Variants in GRID2 observed in about 807,000 individuals in gnomAD.
The protein encoded by GRID2 is glutamate receptor ionotropic, delta-2.
Under a neutral mutation model 114.8 loss-of-function variants are expected in GRID2, and 33 were observed. The observed-to-expected ratio is 0.29, with a 90% CI of 0.22 to 0.38. The LOEUF is 0.38. GRID2 is among the 10% of genes least tolerant of loss of function. The probability of loss-of-function intolerance (pLI) is 1.00; values close to 1 mark genes in which losing one functional copy is unlikely to be tolerated. For missense variants in GRID2, 1,184 were observed against 1,257.7 expected, an observed-to-expected ratio of 0.94 and a Z score of 0.89; for synonymous variants, 505 against 449.9, an observed-to-expected ratio of 1.12 and a Z score of -1.55.
chr4:93,408,700 TG>T (rs1420782884), intron 9 of GRID2, among the ~76,000 whole-genome samples: 1 of 152,156 alleles, frequency 6.6e-6, no homozygotes, highest in Non-Finnish European at 1.5e-5. Context: ...ATGCTTATTG[TG>T]ACACACAGAA....
chr4:93,377,432 A>G (rs1445341557), intron 8 of GRID2, among the ~76,000 whole-genome samples: 1 of 151,924 alleles, frequency 6.6e-6, no homozygotes, highest in African/African-American at 2.4e-5. Flanking sequence ...GAGCTAGCTG[A>G]GGTTAGGAGA....
At chr4:93,300,787 G>T (rs1250192310) in intron 8 of GRID2, among the ~76,000 whole-genome samples, 1 of 152,114 alleles carries the variant, frequency 6.6e-6, no homozygotes, top group Non-Finnish European at 1.5e-5. Flanking sequence ...CACAATTTGT[G>T]CCCCTTTTAA....
At chr4:92,743,880 A>G (rs1221841266) in intron 2 of GRID2, among the ~76,000 whole-genome samples, 1 of 152,220 alleles carries the variant, frequency 6.6e-6, no homozygotes, top group Non-Finnish European at 1.5e-5. Flanking sequence ...TGTAAATAGA[A>G]GTTGAATTTT....
At chr4:93,287,551 A>T (rs1453718716) in intron 8 of GRID2, among the ~76,000 whole-genome samples, 2 of 152,198 alleles carry the variant, frequency 1.3e-5, no homozygotes, top group Non-Finnish European at 2.9e-5. Flanking sequence ...TTTCTATGAC[A>T]AGGAGAAATT....
At chr4:93,248,250 A>C (rs1172911796) in intron 8 of GRID2, among the ~76,000 whole-genome samples, 1 of 152,192 alleles carries the variant, frequency 6.6e-6, no homozygotes, top group Admixed American at 6.5e-5. Context: ...AAAAGAACTT[A>C]TATTAGGAAT....
chr4:92,768,246 TGA>T (rs1738362754), intron 2 of GRID2, among the ~76,000 whole-genome samples: 1 of 152,208 alleles, frequency 6.6e-6, no homozygotes. Context: ...CTGTTACATA[TGA>T]GTGTTTTGCA....
At chr4:93,305,870 C>T (rs1463618565) in intron 8 of GRID2, among the ~76,000 whole-genome samples, 1 of 152,114 alleles carries the variant, frequency 6.6e-6, no homozygotes, top group African/African-American at 2.4e-5. Context: ...ATCCATTAGA[C>T]TACTTCCAGA....
At chr4:93,195,489 G>C in intron 4 of GRID2, among the ~76,000 whole-genome samples, 1 of 152,258 alleles carries the variant, frequency 6.6e-6, no homozygotes, top group South Asian at 2.1e-4. Context: ...ATCTCCAGTG[G>C]TTCTAACATA....
At position 92,527,237 on chromosome 4, in the gene GRID2, T is replaced by A. The variant is rs779503514; in HGVS notation, c.89-62894T>A. On this transcript the variant is annotated intron_variant, in intron 1 of 15. Coordinates refer to ENST00000282020, the MANE Select transcript of GRID2 (RefSeq NM_001510.4). ...AGTAAGATTTTATAACCTCTTACAA[T>A]TTGAATAAATGATTCTGATTACATT... Among the ~76,000 whole-genome samples, 34 of 152,260 alleles carry A rather than the reference T, an allele frequency of 2.2e-4. 1 individual carries two copies. The highest frequency in any genetic ancestry group is 4.6e-4 in the Non-Finnish European group (31 of 67,990).
intron 8 of GRID2, among the ~76,000 whole-genome samples, chr4:93,369,286 T>G (rs879010839): frequency 3.9e-5 from 6 of 152,180 alleles, no homozygotes; most frequent in Admixed American, 2.6e-4. Context: ...TCTACCATAG[T>G]CTTAAACAAA....
At chr4:93,622,564 G>A (rs1178839185) in intron 13 of GRID2, among the ~76,000 whole-genome samples, 1 of 152,158 alleles carries the variant, frequency 6.6e-6, no homozygotes, top group East Asian at 1.9e-4. Context: ...GAGAAACACT[G>A]ACCGATAGCA....
At chr4:92,463,270 T>C (rs1400052053) in intron 1 of GRID2, among the ~76,000 whole-genome samples, 1 of 151,952 alleles carries the variant, frequency 6.6e-6, no homozygotes, top group Non-Finnish European at 1.5e-5. Context: ...TTTGCTCTTA[T>C]CTATTGGGAA....
intron 4 of GRID2, among the ~76,000 whole-genome samples, chr4:93,158,661 C>T (rs1180611322): frequency 6.6e-6 from 1 of 151,610 alleles, no homozygotes; most frequent in Non-Finnish European, 1.5e-5. Flanking sequence ...AGGAATACAA[C>T]GATCTACCAT....
intron 8 of GRID2, among the ~76,000 whole-genome samples, chr4:93,366,363 A>G (rs1762334844): frequency 6.6e-6 from 1 of 152,082 alleles, no homozygotes; most frequent in Admixed American, 6.6e-5. Flanking sequence ...TCGAGACTGC[A>G]GAGGTGAGAT....
chr4:92,901,674 T>C (rs1747593271), intron 2 of GRID2, among the ~76,000 whole-genome samples: 1 of 152,208 alleles, frequency 6.6e-6, no homozygotes, highest in Non-Finnish European at 1.5e-5. Flanking sequence ...TATTGATTTG[T>C]ATATGTTGAA....
intron 1 of GRID2, among the ~76,000 whole-genome samples, chr4:92,552,277 C>A (rs973499441): frequency 6.7e-6 from 1 of 148,260 alleles, no homozygotes; most frequent in South Asian, 2.1e-4. Context: ...TCCCAGAAAA[C>A]TGTGAAGGAA....
rs538607797 is a variant in GRID2, at chr4:92,350,096, T to G, written c.88+45352T>G. ...TGACCGTAGGTCAGTGCTCACAACC[T>G]TTTCATTTTTCTGTGTCTTGCTACT... On this transcript the variant is annotated intron_variant, in intron 1 of 15. Coordinates refer to ENST00000282020, the MANE Select transcript of GRID2 (RefSeq NM_001510.4). Among the ~76,000 whole-genome samples the G allele has an allele frequency of 7.9e-4, 120 of 152,106 alleles. 2 individuals carry two copies. The South Asian group carries it at 0.012, about 16-fold the overall frequency.
chr4:93,174,001 A>T (rs1739103524), intron 4 of GRID2, among the ~76,000 whole-genome samples: 1 of 152,292 alleles, frequency 6.6e-6, no homozygotes, highest in Non-Finnish European at 1.5e-5. Flanking sequence ...CATGAGAAAT[A>T]ATATAGAGTA....
At chr4:93,591,812 C>A (rs964078901) in intron 13 of GRID2, among the ~76,000 whole-genome samples, 6 of 152,124 alleles carry the variant, frequency 3.9e-5, no homozygotes, top group East Asian at 1.9e-4. Flanking sequence ...GGAATTTATC[C>A]ATTTCTTCTA....
Sources: allele counts gnomAD v4.1 joint callset (sites outside exome capture counted in the v4.1 genomes callset), GRCh38; gene constraint gnomAD v4.1.1; transcripts MANE v1.5; gene names NCBI Gene and HGNC (gene_info 2026-07-23, HGNC 2026-07-21).